Variants in LIMCH1 observed in about 807,000 individuals in gnomAD.
LIMCH1 encodes LIM and calponin homology domains 1.
Under a neutral mutation model 176.5 loss-of-function variants are expected in LIMCH1, and 113 were observed. The ratio of observed to expected loss-of-function variants is 0.64; its 90% confidence interval spans 0.55 to 0.75. LIMCH1 has a LOEUF of 0.75. Among genes scored for constraint, LIMCH1 ranks in the 30% least tolerant of loss-of-function variants. The pLI is 0.00. For missense variants in LIMCH1, 1,674 were observed against 1,814.9 expected, an observed-to-expected ratio of 0.92 and a Z score of 1.41; for synonymous variants, 619 against 645.9, an observed-to-expected ratio of 0.96 and a Z score of 0.63.
At chr4:41,515,251 T>G (rs1257516715) in intron 2 of LIMCH1, among the ~76,000 whole-genome samples, 2 of 152,212 alleles carry the variant, frequency 1.3e-5, no homozygotes, top group Non-Finnish European at 2.9e-5. Flanking sequence ...CTTTAGAGCT[T>G]CTTTCTGCCT....
chr4:41,438,202 C>T (rs760074279), intron 1 of LIMCH1, among the ~76,000 whole-genome samples: 1 of 152,076 alleles, frequency 6.6e-6, no homozygotes, highest in African/African-American at 2.4e-5. Flanking sequence ...GGAAGCTGCT[C>T]ATTGAACAGA....
At chr4:41,416,717 C>T (rs2059972344) in intron 1 of LIMCH1, among the ~76,000 whole-genome samples, 1 of 151,242 alleles carries the variant, frequency 6.6e-6, no homozygotes, top group Admixed American at 6.6e-5. Flanking sequence ...ATCACTGATG[C>T]TACACACACA....
At chr4:41,677,056 G>A (rs139065231) in intron 23 of LIMCH1, among the ~76,000 whole-genome samples, 16 of 151,990 alleles carry the variant, frequency 1.1e-4, no homozygotes, top group East Asian at 5.8e-4. Flanking sequence ...CCTGCTACTC[G>A]GGAGGTTGAG....
chr4:41,563,198 A>G (rs2082284969), intron 1 of LIMCH1, among the ~76,000 whole-genome samples: 2 of 152,164 alleles, frequency 1.3e-5, no homozygotes, highest in Non-Finnish European at 2.9e-5. Context: ...TACATGTCAC[A>G]GAGCCTCTCC....
rs557309494 is a variant in LIMCH1 at position 41,649,987 on chromosome 4, G to A, written c.2821-406G>A. Among the ~76,000 whole-genome samples the A allele has an allele frequency of 7.2e-5, 11 of 152,140 alleles. No individual in the cohort carries two copies. In the East Asian group the frequency reaches 9.6e-4, roughly 13 times the overall value. ...ATATTCCTGATCTGTGGTAAGTTCC[G>A]CCTCATTTATATGCTATCCAGAAAA... On this transcript the variant is annotated intron_variant, in intron 17 of 31. Transcript: ENST00000503057.
chr4:41,613,423 G>T (rs1352366383), intron 4 of LIMCH1, 43 bp from the exon 5 acceptor site: 7 of 1,550,860 alleles, frequency 4.5e-6, no homozygotes, highest in African/African-American at 1.4e-5. Flanking sequence ...GATAGTGTAG[G>T]CTAGAATTAT....
intron 4 of LIMCH1, among the ~76,000 whole-genome samples, chr4:41,609,993 G>A (rs1236991535): frequency 1.3e-5 from 2 of 152,176 alleles, no homozygotes; most frequent in Admixed American, 6.5e-5. Flanking sequence ...GAGCTTCCTC[G>A]GGACGAGCTT....
chr4:41,603,206 T>TA (rs969232946), intron 2 of LIMCH1, among the ~76,000 whole-genome samples: 3 of 152,206 alleles, frequency 2.0e-5, no homozygotes, highest in Admixed American at 6.5e-5. Context: ...GTTGACGTGT[T>TA]AAAAAAACTT....
intron 1 of LIMCH1, among the ~76,000 whole-genome samples, chr4:41,454,842 G>A (rs1393347879): frequency 1.3e-5 from 2 of 152,152 alleles, no homozygotes; most frequent in African/African-American, 4.8e-5. Flanking sequence ...GAGAAGATGA[G>A]AGATCGAAAT....
At chr4:41,612,607 A>T (rs1472146938) in intron 4 of LIMCH1, 2 of 702,472 alleles carry the variant, frequency 2.8e-6, no homozygotes, top group Non-Finnish European at 5.2e-6. Flanking sequence ...TACGAGGGTG[A>T]GGATGGCTTT....
chr4:41,646,036 A>G, intron 15 of LIMCH1, 87 bp from the exon 16 acceptor site: 4 of 1,339,256 alleles, frequency 3.0e-6, no homozygotes, highest in East Asian at 2.3e-5. Flanking sequence ...AGTTCTCTAA[A>G]GAGTAGAAAT....
At chr4:41,650,150 T>C (rs1433006324) in intron 17 of LIMCH1, among the ~76,000 whole-genome samples, 1 of 152,186 alleles carries the variant, frequency 6.6e-6, no homozygotes, top group East Asian at 1.9e-4. Flanking sequence ...GAGGTGAACA[T>C]GAAATGGAAT....
At chr4:41,666,412 G>C in intron 20 of LIMCH1, 149 bp from the exon 21 acceptor site, 1 of 565,524 alleles carries the variant, frequency 1.8e-6, no homozygotes. Context: ...TTTTAGGGAA[G>C]AAACAAAAAA....
chr4:41,368,731 G>T (rs2154095142), intron 1 of LIMCH1, among the ~76,000 whole-genome samples: 1 of 152,308 alleles, frequency 6.6e-6, no homozygotes, highest in South Asian at 2.1e-4. Flanking sequence ...AGGGCAGGGG[G>T]TGAAGGTACC....
intron 1 of LIMCH1, among the ~76,000 whole-genome samples, chr4:41,409,789 A>G (rs1162074004): frequency 6.6e-6 from 1 of 152,190 alleles, no homozygotes; most frequent in African/African-American, 2.4e-5. Context: ...TTGAAACAGT[A>G]TGAAAACTGC....
intron 1 of LIMCH1, among the ~76,000 whole-genome samples, chr4:41,543,501 T>A (rs2078955588): frequency 1.3e-5 from 2 of 152,188 alleles, no homozygotes; most frequent in Admixed American, 1.3e-4. Context: ...TTTCGGCCCA[T>A]ATTGCACCAA....
chr4:41,436,961 G>A (rs558843543), intron 1 of LIMCH1, among the ~76,000 whole-genome samples: 1 of 152,074 alleles, frequency 6.6e-6, no homozygotes, highest in Non-Finnish European at 1.5e-5. Context: ...ATACTGTCAC[G>A]GACCTCAGAT....
intron 1 of LIMCH1, among the ~76,000 whole-genome samples, chr4:41,373,995 A>G (rs961434921): frequency 1.3e-5 from 2 of 152,096 alleles, no homozygotes; most frequent in African/African-American, 2.4e-5. Context: ...TTCTGCCATG[A>G]TTGTAAGTTT....
At chr4:41,631,059 C>T (rs2093294485) in intron 9 of LIMCH1, 89 bp from the exon 10 acceptor site, 1 of 1,193,758 alleles carries the variant, frequency 8.4e-7, no homozygotes, top group Non-Finnish European at 1.1e-6. Flanking sequence ...GGGCCAACTA[C>T]TTCTAGTTTT....
Sources: allele counts gnomAD v4.1 joint callset (sites outside exome capture counted in the v4.1 genomes callset), GRCh38; gene constraint gnomAD v4.1.1; transcripts MANE v1.5; gene names NCBI Gene and HGNC (gene_info 2026-07-23, HGNC 2026-07-21).